The following LEKR1 variants were observed in gnomAD, a reference collection of about 807,000 sequenced individuals.
LEKR1 encodes the protein protein LEKR1.
A neutral mutation model predicts 72.4 loss-of-function variants in LEKR1; 59 were observed. The observed-to-expected ratio is 0.82, with a 90% CI of 0.66 to 1.01. The LOEUF (loss-of-function observed/expected upper bound fraction) is 1.01. LEKR1 is among the 50% of genes least tolerant of loss of function. The probability of loss-of-function intolerance (pLI) is 0.00; values close to 1 mark genes in which losing one functional copy is unlikely to be tolerated. For synonymous variants in LEKR1, 257 were observed against 263.2 expected (o/e 0.98, Z 0.23); for missense variants, 728 against 759.2 (o/e 0.96, Z 0.48).
chr3:156,833,527 C>T (rs1230769937), intron 2 of LEKR1, among the ~76,000 whole-genome samples: 2 of 152,090 alleles, frequency 1.3e-5, no homozygotes, highest in African/African-American at 4.8e-5. Flanking sequence ...TTATAGGAAT[C>T]TTGCACAATT....
intron 11 of LEKR1, among the ~76,000 whole-genome samples, chr3:157,027,230 C>T (rs1391146061): frequency 6.6e-6 from 1 of 151,364 alleles, no homozygotes. Flanking sequence ...TTACCAGCAC[C>T]GTCAGTAGTC....
At chr3:156,965,492 C>G (rs1445915184) in intron 6 of LEKR1, among the ~76,000 whole-genome samples, 1 of 152,132 alleles carries the variant, frequency 6.6e-6, no homozygotes, top group Non-Finnish European at 1.5e-5. Context: ...CTCTTCCCTT[C>G]TATCCCCACA....
intron 3 of LEKR1, among the ~76,000 whole-genome samples, chr3:156,911,988 CTTT>C (rs1346368675): frequency 6.6e-6 from 1 of 151,618 alleles, no homozygotes; most frequent in African/African-American, 2.4e-5. Flanking sequence ...TATTAGGGCT[CTTT>C]TTTTATTCCA....
intron 3 of LEKR1, among the ~76,000 whole-genome samples, chr3:156,878,296 T>C (rs972087011): frequency 1.3e-5 from 2 of 152,180 alleles, no homozygotes; most frequent in African/African-American, 2.4e-5. Context: ...CTGTTTTTGC[T>C]GTATCCCAGA....
chr3:156,837,337 C>G (rs1367864063), intron 2 of LEKR1, among the ~76,000 whole-genome samples: 1 of 152,202 alleles, frequency 6.6e-6, no homozygotes, highest in Non-Finnish European at 1.5e-5. Flanking sequence ...GAAGAGTGTG[C>G]TGACTCATCT....
intron 3 of LEKR1, among the ~76,000 whole-genome samples, chr3:156,874,039 C>T (rs958234690): frequency 2.0e-5 from 3 of 152,046 alleles, no homozygotes; most frequent in Non-Finnish European, 4.4e-5. Context: ...AAGTCTAAAT[C>T]TCTTGCTAGA....
At chr3:156,868,370 T>G (rs944179220) in intron 3 of LEKR1, among the ~76,000 whole-genome samples, 1 of 152,084 alleles carries the variant, frequency 6.6e-6, no homozygotes, top group Non-Finnish European at 1.5e-5. Context: ...TATTGAGTTT[T>G]GTCACCTATA....
chr3:157,021,715 T>G (rs1228310438), intron 10 of LEKR1, among the ~76,000 whole-genome samples: 1 of 152,166 alleles, frequency 6.6e-6, no homozygotes, highest in Non-Finnish European at 1.5e-5. Context: ...AAAAAATACT[T>G]GATACCTTAG....
chr3:156,911,771 A>C (rs902692330), intron 3 of LEKR1, among the ~76,000 whole-genome samples: 1 of 151,964 alleles, frequency 6.6e-6, no homozygotes, highest in East Asian at 1.9e-4. Flanking sequence ...TTCTTTCCCA[A>C]TTGCTTTTTT....
chr3:157,024,521 T>C (rs899750835), intron 10 of LEKR1, among the ~76,000 whole-genome samples: 1 of 152,338 alleles, frequency 6.6e-6, no homozygotes, highest in South Asian at 2.1e-4. Context: ...AACTGTCATA[T>C]AGTTGTAACT....
At chr3:156,851,344 G>A (rs1024666967) in intron 2 of LEKR1, among the ~76,000 whole-genome samples, 2 of 152,178 alleles carry the variant, frequency 1.3e-5, no homozygotes, top group Non-Finnish European at 2.9e-5. Flanking sequence ...CAGGGAGGCG[G>A]ATTTGTGATG....
At chr3:156,880,578 G>A (rs527562707) in intron 3 of LEKR1, among the ~76,000 whole-genome samples, 1 of 152,252 alleles carries the variant, frequency 6.6e-6, no homozygotes, top group South Asian at 2.1e-4. Context: ...GGTACAAGGA[G>A]GAAGTGGTAC....
chr3:157,045,506 C>T lies in LEKR1; in HGVS notation c.1835C>T (p.Ala612Val), dbSNP rs773933531. Residue 612 changes from alanine (A) to valine (V), a missense_variant, in exon 13 of 13, where the codon GCA (alanine) becomes GTA (valine). Ala to Val is a moderately conservative substitution (Grantham distance 64). Transcript: ENST00000356539. ...AAGGGCAGCCTAACCTCCCCTGCTG[C>T]AGCAGTCAGTAATCATGGAGAGAGA... ...LSKGSLTSPA[A>V]AVSNHGERSL... The T allele has an allele frequency of 9.3e-6, 15 of 1,614,130 alleles. No homozygotes were observed. Among genetic ancestry groups the T allele is most frequent in the Non-Finnish European group, 5.1e-6 (6 of 1,180,008 alleles).
At chr3:156,858,598 T>C (rs768936560) in intron 3 of LEKR1, among the ~76,000 whole-genome samples, 1 of 150,260 alleles carries the variant, frequency 6.7e-6, no homozygotes, top group Non-Finnish European at 1.5e-5. Context: ...CGCTTGAACC[T>C]GGGAGGTGGA....
intron 6 of LEKR1, among the ~76,000 whole-genome samples, chr3:156,973,611 AT>A (rs1169922501): frequency 6.6e-6 from 1 of 152,164 alleles, no homozygotes; most frequent in East Asian, 1.9e-4. Context: ...AGAGAATTAA[AT>A]TTTGAAATTG....
intron 2 of LEKR1, among the ~76,000 whole-genome samples, chr3:156,845,925 A>G (rs1714530484): frequency 6.6e-6 from 1 of 152,100 alleles, no homozygotes; most frequent in African/African-American, 2.4e-5. Context: ...TATCTTTACT[A>G]TTTTGAGTCT....
intron 6 of LEKR1, among the ~76,000 whole-genome samples, chr3:156,971,263 G>A (rs1483071123): frequency 1.3e-5 from 2 of 151,944 alleles, no homozygotes; most frequent in African/African-American, 4.8e-5. Context: ...TTAATAAATG[G>A]TGCTGGGAAA....
chr3:156,924,732 C>T (rs1485647841), intron 4 of LEKR1: 2 of 402,236 alleles, frequency 5.0e-6, no homozygotes, highest in Non-Finnish European at 8.8e-6. Context: ...ATTGCCTCAG[C>T]ATCTTTGCCT....
At chr3:157,002,761 G>A (rs1732111818) in intron 9 of LEKR1, among the ~76,000 whole-genome samples, 1 of 152,122 alleles carries the variant, frequency 6.6e-6, no homozygotes, top group African/African-American at 2.4e-5. Context: ...TGTTAGAAAT[G>A]TCATAAAGAA....
Sources: gnomAD v4.1 joint callset for allele counts (sites outside exome capture counted in the v4.1 genomes callset) on GRCh38, gnomAD v4.1.1 for gene constraint, MANE v1.5 for transcripts, NCBI Gene and HGNC (gene_info 2026-07-23, HGNC 2026-07-21) for gene names.